Variants in TOGARAM1 observed in about 807,000 individuals in gnomAD.
TOGARAM1 encodes TOG array regulator of axonemal microtubules protein 1.
In TOGARAM1, 100 loss-of-function variants were observed where a neutral mutation model predicts 166.6. The ratio of observed to expected loss-of-function variants is 0.60; its 90% CI spans 0.51 to 0.71. The LOEUF is 0.71. Ranked by LOEUF, TOGARAM1 falls within the 30% of genes least tolerant of loss-of-function variation. The pLI is 0.00. For synonymous variants in TOGARAM1, 758 were observed against 763.8 expected (o/e 0.99, Z 0.13); for missense variants, 2,029 against 2,102.7 (o/e 0.96, Z 0.69).
At position 45,032,251 on chromosome 14, in the gene TOGARAM1, G is replaced by A. The variant is rs141100163; in HGVS notation, c.3687G>A (p.Gln1229=). The A allele has an allele frequency of 5.6e-6, 9 of 1,613,792 alleles. No homozygotes were observed. The East Asian group carries it at 1.8e-4, about 32-fold the overall frequency. The change falls in exon 11 of 20, where the codon CAG becomes CAA. Residue 1229 remains glutamine, a synonymous_variant. Coordinates refer to ENST00000361462, the MANE Select transcript of TOGARAM1 (RefSeq NM_001308120.2). ...AAACACCTACTGGAGCTATTTCACA[G>A]TATAAAGAAAGGATGCCTTCTGTCA... ...ESETPTGAIS[Q]YKERMPSVTH... is the part of the protein sequence containing the mutation.
At chr14:45,071,619 GTGA>G in intron 18 of TOGARAM1, 90 bp from the exon 19 acceptor site, 2 of 779,984 alleles carry the variant, frequency 2.6e-6, no homozygotes, top group East Asian at 5.3e-5. Flanking sequence ...CATCCTAGAA[GTGA>G]TTTTTTTTTT....
rs1293884616 is a variant in TOGARAM1 at position 45,071,659 on chromosome 14, A to G, written c.4970-53A>G. 9 of 1,249,624 alleles carry G rather than the reference A, an allele frequency of 7.2e-6. No individual in the cohort carries two copies. In the African/African-American group the frequency reaches 1.4e-4, roughly 19 times the overall value. 77.4% of individuals were successfully genotyped at this position (1,249,624 alleles called of 1,614,324 possible). On this transcript the variant is annotated intron_variant, in intron 18 of 19. Transcript: ENST00000361462. ...TTTTCAATGCTATGTAATGGAAAGT[A>G]ACTAAGAGCTCATTACTCTTTAAAC...
intron 1 of TOGARAM1, among the ~76,000 whole-genome samples, chr14:44,973,029 C>A (rs998817099): frequency 6.9e-6 from 1 of 144,138 alleles, no homozygotes; most frequent in African/African-American, 2.9e-5. Context: ...TTTTTGACCA[C>A]TCTGACAATC....
At chr14:45,020,212 T>G (rs1253491945) in intron 7 of TOGARAM1, among the ~76,000 whole-genome samples, 1 of 152,228 alleles carries the variant, frequency 6.6e-6, no homozygotes, top group Non-Finnish European at 1.5e-5. Flanking sequence ...GAAGCTCCTA[T>G]GCTCTGCGTT....
chr14:45,052,536 G>T lies in TOGARAM1; in HGVS notation c.4414G>T (p.Asp1472Tyr). 6.2e-7 allele frequency: 1 copy of T among 1,607,914 alleles called. No individual in the cohort carries two copies. The highest frequency in any genetic ancestry group is 8.5e-7 in the Non-Finnish European group (1 of 1,176,602). Residue 1472 changes from aspartate (D) to tyrosine (Y), a missense_variant, in exon 15 of 20, where the codon GAC (aspartate) becomes TAC (tyrosine). By Grantham distance (160) the Asp-to-Tyr change is radical. Transcript: ENST00000361462. Reference protein sequence around the residue: ...VPSKDLPYIKDSVRNLQQKGL... With the variant: ...VPSKDLPYIKYSVRNLQQKGL... ...ATCTAAAGATTTGCCATATATTAAGGACTCTGTTAGAAACTTACAGCAAAA... is the reference window on the plus strand; with the variant it reads ...ATCTAAAGATTTGCCATATATTAAGTACTCTGTTAGAAACTTACAGCAAAA...
In TOGARAM1 at chr14:44,962,999, C is replaced by A. The variant is rs1384608263; in HGVS notation, c.578C>A (p.Pro193Gln). 5.6e-6 allele frequency: 9 copies of A among 1,614,050 alleles called. No homozygotes were observed. Among genetic ancestry groups the A allele is most frequent in the African/African-American group, 1.3e-5 (1 of 74,932 alleles). Residue 193 changes from proline (P) to glutamine (Q), a missense_variant, in exon 1 of 20, where the codon CCA becomes CAA. This residue lies in a region of TOGARAM1 where 1,453 missense variants were observed against 1,432.2 expected (regional missense o/e 1.01). Transcript: ENST00000361462. Reference sequence around the variant, plus strand: ...GTTGTCTCGTTACGGGAAGAGAATCCAGCCCTGCGGAAAGATGCGCTGCAG... The same window carrying A: ...GTTGTCTCGTTACGGGAAGAGAATCAAGCCCTGCGGAAAGATGCGCTGCAG... ...QLVVSLREEN[P>Q]ALRKDALQIL...
In TOGARAM1 at chr14:44,963,582, T is replaced by G. The variant is rs1029745674; in HGVS notation, c.1161T>G (p.Thr387=). The change falls in exon 1 of 20, where the codon ACT becomes ACG. Residue 387 remains threonine, a synonymous_variant. Transcript: ENST00000361462. ...QVLGKFNPSS[T]PHSSLVGFIS... ...TGGGAAAATTTAACCCTAGTTCTAC[T>G]CCTCATTCTAGTCTTGTTGGCTTCA... is the stretch of plus-strand genomic sequence containing the variant. 6.2e-7 allele frequency: 1 copy of G among 1,613,700 alleles called. No individual in the cohort carries two copies. Among genetic ancestry groups the G allele is most frequent in the Admixed American group, 1.7e-5 (1 of 59,964 alleles).
At chr14:44,978,103 G>A (rs1341027415) in intron 1 of TOGARAM1, 6 of 152,162 alleles carry the variant, frequency 3.9e-5, no homozygotes, top group African/African-American at 9.7e-5. Flanking sequence ...TCACAAAATC[G>A]TTATAAGTTT....
At chr14:45,029,963 A>G (rs1881064364) in intron 10 of TOGARAM1, among the ~76,000 whole-genome samples, 1 of 152,104 alleles carries the variant, frequency 6.6e-6, no homozygotes, top group Admixed American at 6.5e-5. Context: ...CTGGGACTAC[A>G]GGTGTGCACC....
At chr14:45,055,456 G>A (rs375884338) in intron 16 of TOGARAM1, among the ~76,000 whole-genome samples, 1 of 152,024 alleles carries the variant, frequency 6.6e-6, no homozygotes, top group African/African-American at 2.4e-5. Context: ...TAGCCTTATC[G>A]TGTAATTTGA....
At chr14:45,027,006 AAAAC>A (rs10674415) in intron 8 of TOGARAM1, among the ~76,000 whole-genome samples, 177 of 151,860 alleles carry the variant, frequency 1.2e-3, no homozygotes, top group South Asian at 1.7e-3. Context: ...AGACTATCTC[AAAAC>A]AAACAAACAA....
intron 16 of TOGARAM1, among the ~76,000 whole-genome samples, chr14:45,055,926 T>C (rs151076040): frequency 1.3e-5 from 2 of 151,364 alleles, no homozygotes; most frequent in African/African-American, 4.8e-5. Flanking sequence ...ATAAATGATA[T>C]TGGTATTTTG....
chr14:45,012,688 A>C (rs1405532520), intron 7 of TOGARAM1, among the ~76,000 whole-genome samples: 3 of 152,222 alleles, frequency 2.0e-5, no homozygotes, highest in African/African-American at 7.2e-5. Flanking sequence ...AATAAACTGT[A>C]ACAAATTGGT....
At chr14:45,025,524 A>G (rs1880780361) in intron 7 of TOGARAM1, 1 of 285,910 alleles carries the variant, frequency 3.5e-6, no homozygotes, top group Admixed American at 5.3e-5. Context: ...AGATCACACC[A>G]CTGCATTCCA....
At chr14:45,034,743 C>T in intron 11 of TOGARAM1, among the ~76,000 whole-genome samples, 1 of 152,084 alleles carries the variant, frequency 6.6e-6, no homozygotes, top group East Asian at 1.9e-4. Flanking sequence ...AACATTTGAT[C>T]CTTATTTGAA....
At chr14:45,044,067 T>A (rs1430919308) in intron 12 of TOGARAM1, among the ~76,000 whole-genome samples, 1 of 152,086 alleles carries the variant, frequency 6.6e-6, no homozygotes, top group East Asian at 1.9e-4. Flanking sequence ...TGGAGTGCAG[T>A]GGTGGGATCT....
At chr14:45,039,342 C>G (rs1881603175) in intron 11 of TOGARAM1, among the ~76,000 whole-genome samples, 2 of 152,142 alleles carry the variant, frequency 1.3e-5, no homozygotes, top group African/African-American at 4.8e-5. Flanking sequence ...AGTTCTCACT[C>G]CAGTCTGTGG....
At chr14:45,007,645 T>A (rs780703830) in intron 5 of TOGARAM1, 29 of 152,138 alleles carry the variant, frequency 1.9e-4, no homozygotes, top group Non-Finnish European at 3.7e-4. Flanking sequence ...TTACTTATCC[T>A]CCCTTATAGT....
chr14:45,045,871 C>G (rs1450138903), intron 13 of TOGARAM1, among the ~76,000 whole-genome samples: 1 of 150,784 alleles, frequency 6.6e-6, no homozygotes, highest in Non-Finnish European at 1.5e-5. Context: ...GTGCAAGTAT[C>G]TTTTTCACAT....
Sources: gnomAD v4.1 joint callset for allele counts (sites outside exome capture counted in the v4.1 genomes callset) on GRCh38, gnomAD v4.1.1 for gene constraint, gnomAD v4.1.1 regional missense constraint, MANE v1.5 for transcripts, NCBI Gene and HGNC (gene_info 2026-07-23, HGNC 2026-07-21) for gene names.